AFF3: variants seen among roughly 807,000 people sequenced by gnomAD.
AFF3 encodes ALF transcription elongation factor 3, also known as AF4/FMR2 family member 3.
AFF3 carries 32 observed loss-of-function variants against 129.7 expected under a neutral mutation model. That is an observed-to-expected ratio of 0.25 (90% CI 0.19 to 0.33). AFF3 has a LOEUF of 0.33. Ranked by LOEUF, AFF3 falls within the 10% of genes least tolerant of loss-of-function variation. AFF3 has a pLI of 1.00. For missense variants in AFF3, 1,373 were observed against 1,592.0 expected, an observed-to-expected ratio of 0.86 and a Z score of 2.34; for synonymous variants, 644 against 635.4, an observed-to-expected ratio of 1.01 and a Z score of -0.20.
chr2:99,635,914 C>A (rs61024527), intron 13 of AFF3, among the ~76,000 whole-genome samples: 1 of 152,084 alleles, frequency 6.6e-6, no homozygotes, highest in South Asian at 2.1e-4. Context: ...AGGTCACATA[C>A]GCCCCCCACA....
At chr2:99,777,992 C>G (rs1040867611) in intron 8 of AFF3, among the ~76,000 whole-genome samples, 8 of 149,664 alleles carry the variant, frequency 5.3e-5, no homozygotes, top group Admixed American at 2.0e-4. Flanking sequence ...AAATTAGTTC[C>G]AGCACTATCA....
chr2:100,030,265 T>C (rs751597210), intron 4 of AFF3, among the ~76,000 whole-genome samples: 7 of 152,116 alleles, frequency 4.6e-5, no homozygotes, highest in African/African-American at 7.2e-5. Flanking sequence ...AAAATGACAG[T>C]ATTCTAGAAG....
chr2:99,756,202 T>A (rs1160148857), intron 8 of AFF3, among the ~76,000 whole-genome samples: 1 of 152,218 alleles, frequency 6.6e-6, no homozygotes, highest in Non-Finnish European at 1.5e-5. Flanking sequence ...CTGCCCTCCC[T>A]ACCTTCATGT....
At chr2:99,807,760 G>A (rs1033009900) in intron 8 of AFF3, among the ~76,000 whole-genome samples, 3 of 151,896 alleles carry the variant, frequency 2.0e-5, no homozygotes, top group Non-Finnish European at 2.9e-5. Flanking sequence ...TGAGTGGCGG[G>A]TTTAGCTCCC....
intron 4 of AFF3, among the ~76,000 whole-genome samples, chr2:100,019,716 C>G (rs1196880949): frequency 2.0e-5 from 3 of 152,146 alleles, no homozygotes; most frequent in African/African-American, 4.8e-5. Context: ...AAAGCAGAAT[C>G]GGGATGTGAG....
intron 1 of AFF3, among the ~76,000 whole-genome samples, chr2:100,130,409 G>A (rs987669902): frequency 2.6e-5 from 4 of 152,200 alleles, no homozygotes; most frequent in Non-Finnish European, 5.9e-5. Context: ...CCGCTCTGAA[G>A]AGTGCACCCC....
At chr2:99,749,713 T>C (rs899065870) in intron 9 of AFF3, among the ~76,000 whole-genome samples, 7 of 152,218 alleles carry the variant, frequency 4.6e-5, no homozygotes, top group African/African-American at 1.7e-4. Context: ...ACCAATGAGA[T>C]GCCACATTTC....
chr2:99,832,411 C>T (rs1000559242), intron 8 of AFF3, among the ~76,000 whole-genome samples: 1 of 152,200 alleles, frequency 6.6e-6, no homozygotes, highest in African/African-American at 2.4e-5. Flanking sequence ...GGTCTCTTGT[C>T]CCACCTCTGC....
At chr2:100,080,383 T>G (rs923736701) in intron 4 of AFF3, among the ~76,000 whole-genome samples, 1 of 152,238 alleles carries the variant, frequency 6.6e-6, no homozygotes, top group African/African-American at 2.4e-5. Context: ...TAGTTCATCT[T>G]GAAGATTTTC....
intron 4 of AFF3, among the ~76,000 whole-genome samples, chr2:100,099,704 ATTAAG>A (rs778867401): frequency 9.8e-5 from 15 of 152,342 alleles, no homozygotes; most frequent in Middle Eastern, 3.4e-3. Flanking sequence ...TTATTCTCCT[ATTAAG>A]TTCCCAAAAA....
At position 99,925,022 on chromosome 2, in the gene AFF3, C is replaced by A. The variant is rs549279597; in HGVS notation, c.873+81610G>T. Among the ~76,000 whole-genome samples, 6 of 151,804 alleles carry A rather than the reference C, an allele frequency of 4.0e-5. No homozygotes were observed. The East Asian group carries it at 1.2e-3, about 30-fold the overall frequency. On this transcript the variant is annotated intron_variant, in intron 7 of 24. Transcript: ENST00000672756. ...ACCTGAATAGCTAGGACCACAGGTG[C>A]GCGACATCATGTTCAGCTAATTTTT... is the stretch of plus-strand genomic sequence containing the variant.
chr2:99,740,792 T>C (rs1402440623), intron 10 of AFF3, among the ~76,000 whole-genome samples: 1 of 151,944 alleles, frequency 6.6e-6, no homozygotes, highest in African/African-American at 2.4e-5. Context: ...GTAGTTTCTT[T>C]TGCTGTGCAG....
chr2:99,551,644 C>G (rs954735170), intron 24 of AFF3, 49 bp from the exon 25 acceptor site: 1 of 1,608,160 alleles, frequency 6.2e-7, no homozygotes, highest in Middle Eastern at 1.7e-4. Context: ...GCTAGGTGTG[C>G]TATCCTGAGC....
intron 8 of AFF3, among the ~76,000 whole-genome samples, chr2:99,824,856 G>T (rs1417088260): frequency 1.3e-5 from 2 of 152,166 alleles, no homozygotes; most frequent in Non-Finnish European, 2.9e-5. Context: ...GCCCAGGAAT[G>T]GAGTTCTGGG....
chr2:99,925,642 G>A (rs1002165630), intron 7 of AFF3, among the ~76,000 whole-genome samples: 1 of 152,178 alleles, frequency 6.6e-6, no homozygotes, highest in African/African-American at 2.4e-5. Flanking sequence ...CTGCCACCAC[G>A]GAAATATGTC....
intron 7 of AFF3, among the ~76,000 whole-genome samples, chr2:99,889,266 C>T (rs536852530): frequency 6.6e-6 from 1 of 152,278 alleles, no homozygotes; most frequent in South Asian, 2.1e-4. Context: ...GTCTCCTGAG[C>T]AGCTGAACTA....
chr2:99,651,790 C>T (rs1685282192), intron 12 of AFF3, among the ~76,000 whole-genome samples: 1 of 151,928 alleles, frequency 6.6e-6, no homozygotes, highest in Non-Finnish European at 1.5e-5. Context: ...ATGCTGATAG[C>T]CCATCACATT....
chr2:99,681,908 ATTT>A (rs35944169), intron 11 of AFF3, among the ~76,000 whole-genome samples: 1 of 139,530 alleles, frequency 7.2e-6, no homozygotes. Context: ...CCTTAATTCT[ATTT>A]TTTTTTTTTT....
chr2:99,746,433 C>T (rs1421059834), intron 9 of AFF3, among the ~76,000 whole-genome samples: 2 of 152,054 alleles, frequency 1.3e-5, no homozygotes, highest in Admixed American at 1.3e-4. Flanking sequence ...ATGAGCCAGT[C>T]GGTGGGCAGA....
Sources: gnomAD v4.1 joint callset for allele counts (sites outside exome capture counted in the v4.1 genomes callset) on GRCh38, gnomAD v4.1.1 for gene constraint, MANE v1.5 for transcripts, NCBI Gene and HGNC (gene_info 2026-07-23, HGNC 2026-07-21) for gene names.